Variants in GYS1 observed in about 807,000 individuals in gnomAD.
GYS1 encodes the protein glycogen synthase 1.
GYS1 carries 60 observed loss-of-function variants against 89.1 expected under a neutral mutation model. That is an observed-to-expected ratio of 0.67 (90% CI 0.55 to 0.84). The LOEUF (loss-of-function observed/expected upper bound fraction) is 0.84. Ranked by LOEUF, GYS1 falls within the 40% of genes least tolerant of loss-of-function variation. The pLI is 0.00. For synonymous variants in GYS1, 366 were observed against 401.7 expected (o/e 0.91, Z 1.06); for missense variants, 888 against 1,003.1 (o/e 0.89, Z 1.55).
chr19:48,980,419 TGAG>T (rs759028270), intron 8 of GYS1, among the ~76,000 whole-genome samples: 1 of 152,256 alleles, frequency 6.6e-6, no homozygotes, highest in Non-Finnish European at 1.5e-5. Context: ...CTGGAATACA[TGAG>T]GAGGGCAGGT....
intron 5 of GYS1, 125 bp downstream of exon 5, chr19:48,985,336 C>T (rs1317935965): frequency 1.2e-5 from 12 of 982,302 alleles, no homozygotes; most frequent in Admixed American, 9.8e-5. Flanking sequence ...CATGCCCAGC[C>T]GAAATACGTT....
Position 48,969,351 on chromosome 19 carries a change from G to T in GYS1, c.2151C>A (p.Ser717Arg). ...KRNSVDTATS[S>R]SLSTPSEPLS... ...GGGGCTCGCTCGGGGTGCTGAGTGA[G>T]CTGGAGGTGGCCGTGTCCACAGAGT... The change falls in exon 16 of 16, where the codon AGC becomes AGA. Residue 717 changes from serine to arginine, a missense_variant. Coordinates refer to ENST00000323798, the MANE Select transcript of GYS1 (RefSeq NM_002103.5). The T allele has an allele frequency of 3.2e-6, 5 of 1,585,404 alleles. No individual in the cohort carries two copies. The highest frequency in any genetic ancestry group is 4.3e-6 in the Non-Finnish European group (5 of 1,171,324).
In GYS1 at chr19:48,970,323, T is replaced by C. The variant is rs2038541751; in HGVS notation, c.1809+223A>G. Reference sequence around the variant, plus strand: ...TTTATTTTTAGTAAAAATAAAATGTTGCCCAGGCTGGTCTCTTAACTCCTG... The same window carrying C: ...TTTATTTTTAGTAAAAATAAAATGTCGCCCAGGCTGGTCTCTTAACTCCTG... On this transcript the variant is annotated intron_variant, in intron 14 of 15. Coordinates refer to ENST00000323798, the MANE Select transcript of GYS1 (RefSeq NM_002103.5). The C allele has an allele frequency of 7.2e-6, 4 of 552,098 alleles. No individual in the cohort carries two copies. The South Asian group carries it at 8.3e-5, about 11-fold the overall frequency. 34.2% of individuals were successfully genotyped at this position (552,098 alleles called of 1,614,324 possible). A position where few individuals can be genotyped will look rare whatever the true frequency, so the allele number is the denominator to read the frequency against.
chr19:48,970,760 G>GAA, intron 13 of GYS1, 51 bp from the exon 14 acceptor site: 2 of 1,571,414 alleles, frequency 1.3e-6, no homozygotes, highest in Non-Finnish European at 8.8e-7. Flanking sequence ...AGATCTTCAT[G>GAA]GTCTCCAGGA....
At chr19:48,972,162 A>G (rs963519460) in intron 12 of GYS1, among the ~76,000 whole-genome samples, 5 of 151,628 alleles carry the variant, frequency 3.3e-5, no homozygotes, top group African/African-American at 4.8e-5. Flanking sequence ...ACATGGTGAA[A>G]CCCTGTGTCT....
chr19:48,981,672 TGTGGGG>T, intron 7 of GYS1, 36 bp from the exon 8 acceptor site: 1 of 1,332,572 alleles, frequency 7.5e-7, no homozygotes. Context: ...GCCAGGATCA[TGTGGGG>T]GAAGCCTGGA....
In GYS1 at chr19:48,968,214, A is replaced by C. The variant is rs1380619003; in HGVS notation, c.*1074T>G. On this transcript the variant is annotated 3_prime_UTR_variant, in exon 16 of 16. Transcript: ENST00000323798. ...TCCTGCCCTCCCCTCTCAACTGCAA[A>C]CCAAGCGGTGCAGACACAGCACAGC... is the stretch of plus-strand genomic sequence containing the variant. The C allele has an allele frequency of 2.0e-5, 9 of 454,022 alleles. No homozygotes were observed. In the Admixed American group the frequency reaches 2.1e-4, roughly 11 times the overall value. 28.1% of individuals were successfully genotyped at this position (454,022 alleles called of 1,614,324 possible).
chr19:48,989,248 G>A (rs1188996503), intron 2 of GYS1, among the ~76,000 whole-genome samples: 5 of 151,794 alleles, frequency 3.3e-5, no homozygotes, highest in African/African-American at 1.2e-4. Flanking sequence ...TTGGGGGGCC[G>A]AGGCGGGCGG....
chr19:48,970,288 C>T (rs1022798334), intron 14 of GYS1: 4 of 497,046 alleles, frequency 8.0e-6, no homozygotes, highest in Non-Finnish European at 1.5e-5. Flanking sequence ...TCACGCTCGG[C>T]TGATTTTTTT....
At chr19:48,972,962 C>A (rs1438684921) in intron 12 of GYS1, among the ~76,000 whole-genome samples, 2 of 152,030 alleles carry the variant, frequency 1.3e-5, no homozygotes, top group Non-Finnish European at 2.9e-5. Context: ...GTAATAACCC[C>A]ATCTCAAAAA....
At chr19:48,977,035 C>T (rs2038664196) in intron 10 of GYS1, among the ~76,000 whole-genome samples, 1 of 151,994 alleles carries the variant, frequency 6.6e-6, no homozygotes, top group Non-Finnish European at 1.5e-5. Flanking sequence ...GCGATCCTCC[C>T]ACCTCAGCCT....
chr19:48,977,465 T>G (rs2038674200), intron 10 of GYS1, among the ~76,000 whole-genome samples: 1 of 152,146 alleles, frequency 6.6e-6, no homozygotes, highest in South Asian at 2.1e-4. Context: ...TGGTGGCATG[T>G]GCCTGTAATC....
At position 48,993,279 on chromosome 19, in the gene GYS1, G is replaced by A. The variant is rs2122551765; in HGVS notation, c.-167C>T. On this transcript the variant is annotated 5_prime_UTR_variant, in exon 1 of 16. Transcript: ENST00000323798. ...CCGCACCCCTGCCCCGAAGCGTTGG[G>A]ACCTAGGCAGAAGGAGGCCGCAGCG... 1.4e-6 allele frequency: 1 copy of A among 707,342 alleles called. No individual in the cohort carries two copies. Among genetic ancestry groups the A allele is most frequent in the East Asian group, 2.6e-5 (1 of 38,074 alleles). The allele number at this position is 707,342 out of a possible 1,614,324, so 43.8% of individuals were successfully genotyped here. A position where few individuals can be genotyped will look rare whatever the true frequency, so the allele number is the denominator to read the frequency against.
intron 12 of GYS1, among the ~76,000 whole-genome samples, chr19:48,972,379 G>T (rs1002338724): frequency 6.6e-6 from 1 of 151,710 alleles, no homozygotes; most frequent in Non-Finnish European, 1.5e-5. Context: ...TCACCATGTT[G>T]TCCAGGCTGG....
chr19:48,975,030 A>C lies in GYS1; in HGVS notation c.1309-297T>G, dbSNP rs148423691. Among the ~76,000 whole-genome samples the C allele has an allele frequency of 0.011, 1,663 of 152,274 alleles. 29 individuals carry two copies. The highest frequency in any genetic ancestry group is 0.012 in the Non-Finnish European group (849 of 68,020). ...ACTGCAAGCTCCACCTCCCAGGATCATGCCATTCTCCTGCCTCAGCCTCCC... is the reference window on the plus strand; with the variant it reads ...ACTGCAAGCTCCACCTCCCAGGATCCTGCCATTCTCCTGCCTCAGCCTCCC... On this transcript the variant is annotated intron_variant, in intron 10 of 15. Transcript: ENST00000323798.
rs1600154279 is a variant in GYS1 at position 48,991,033 on chromosome 19, C to G, written c.300+269G>C. 6.6e-6 allele frequency among the ~76,000 whole-genome samples: 1 copy of G among 152,332 alleles called. No individual in the cohort carries two copies. The highest frequency in any genetic ancestry group is 1.9e-4 in the East Asian group (1 of 5,184). ...TGTCTTTCGATCTTGCTCTCTTTCT[C>G]TCTGGGTCTGAGGACCTTGGCCTCT... On this transcript the variant is annotated intron_variant, in intron 2 of 15. Coordinates refer to ENST00000323798, the MANE Select transcript of GYS1 (RefSeq NM_002103.5). The surrounding 1 kb of genome is among the most constrained non-coding windows in gnomAD (Gnocchi z 4.7).
chr19:48,982,947 C>T (rs926221450), intron 5 of GYS1, 110 bp from the exon 6 acceptor site: 19 of 828,804 alleles, frequency 2.3e-5, no homozygotes, highest in Middle Eastern at 2.5e-4. Flanking sequence ...TTTTTTGTTT[C>T]AAGAGCGTTC....
chr19:48,990,672 G>C (rs1458967340), intron 2 of GYS1, among the ~76,000 whole-genome samples: 2 of 152,192 alleles, frequency 1.3e-5, no homozygotes, highest in South Asian at 2.1e-4. Context: ...GAAGGTAGAC[G>C]CTATTAGCAT....
rs1236191619 is a variant in GYS1, at chr19:48,968,334, A to G, written c.*954T>C. The G allele has an allele frequency of 6.6e-6, 3 of 454,390 alleles. No homozygotes were observed. Among genetic ancestry groups the G allele is most frequent in the South Asian group, 4.7e-5 (3 of 64,480 alleles). The allele number at this position is 454,390 out of a possible 1,614,324, so 28.1% of individuals were successfully genotyped here. ...GGTAAATGTGGGGGTTCTAGAACCC[A>G]GTGACCTCAGTTCTGGATCATGGGA... is the stretch of plus-strand genomic sequence containing the variant. On this transcript the variant is annotated 3_prime_UTR_variant, in exon 16 of 16. Coordinates refer to ENST00000323798, the MANE Select transcript of GYS1 (RefSeq NM_002103.5).
Sources: allele counts gnomAD v4.1 joint callset (sites outside exome capture counted in the v4.1 genomes callset), GRCh38; gene constraint gnomAD v4.1.1; non-coding constraint Gnocchi (gnomAD v3.1); transcripts MANE v1.5; gene names NCBI Gene and HGNC (gene_info 2026-07-23, HGNC 2026-07-21).